The following DPP9 variants were observed in gnomAD, a reference collection of about 807,000 sequenced individuals.
The protein encoded by DPP9 is dipeptidyl peptidase IV-related protein-2.
DPP9 carries 50 observed loss-of-function variants against 110.7 expected under a neutral mutation model. The ratio of observed to expected loss-of-function variants is 0.45; its 90% CI spans 0.36 to 0.57. The LOEUF (loss-of-function observed/expected upper bound fraction) is 0.57, where lower values mean the gene tolerates loss of function less well. Ranked by LOEUF, DPP9 falls within the 20% of genes least tolerant of loss-of-function variation. The probability of loss-of-function intolerance (pLI) is 0.00; values close to 1 mark genes in which losing one functional copy is unlikely to be tolerated. For synonymous variants in DPP9, 561 were observed against 514.4 expected (o/e 1.09, Z -1.23); for missense variants, 1,022 against 1,217.9 (o/e 0.84, Z 2.39).
Position 4,685,603 on chromosome 19 carries a change from C to T in DPP9, c.2031+23G>A. On this transcript the variant is annotated intron_variant, in intron 17 of 21. Coordinates refer to ENST00000262960, the MANE Select transcript of DPP9 (RefSeq NM_139159.5). The surrounding 1 kb of genome is among the most constrained non-coding windows in gnomAD (Gnocchi z 5.8). The stretch of plus-strand genomic sequence containing the variant: ...CTCGGGTGGATGGTGGGGTGGGGGC[C>T]TGGGGAGCAGGTGTGCACTCACCTG... The T allele has an allele frequency of 6.3e-7, 1 of 1,588,180 alleles. No homozygotes were observed. Among genetic ancestry groups the T allele is most frequent in the Non-Finnish European group, 8.6e-7 (1 of 1,168,476 alleles).
chr19:4,712,403 G>T (rs1284490505), intron 4 of DPP9, among the ~76,000 whole-genome samples: 1 of 151,950 alleles, frequency 6.6e-6, no homozygotes, highest in Non-Finnish European at 1.5e-5. Context: ...ACAAAAAATT[G>T]TCTGGGCATG....
At chr19:4,717,101 G>A (rs1460221028) in intron 3 of DPP9, among the ~76,000 whole-genome samples, 1 of 152,174 alleles carries the variant, frequency 6.6e-6, no homozygotes, top group Non-Finnish European at 1.5e-5. Flanking sequence ...AATGACAGGG[G>A]AAAATGCTTC....
chr19:4,678,393 G>A (rs142796015), intron 21 of DPP9, among the ~76,000 whole-genome samples: 2,837 of 152,328 alleles, frequency 0.019, 50 homozygotes, highest in African/African-American at 0.044. Context: ...GGTTACAGGC[G>A]TGAGCCACCA....
chr19:4,683,403 G>A, intron 19 of DPP9, 74 bp downstream of exon 19: 1 of 1,591,788 alleles, frequency 6.3e-7, no homozygotes, highest in Non-Finnish European at 8.6e-7. Context: ...GGCGCGGGCG[G>A]TGGGCAAACG....
chr19:4,682,955 T>C lies in DPP9; in HGVS notation c.2332-117A>G. On this transcript the variant is annotated intron_variant, in intron 19 of 21. Coordinates refer to ENST00000262960, the MANE Select transcript of DPP9 (RefSeq NM_139159.5). This position sits in a 1 kb window ranked among gnomAD's most constrained non-coding sequence, Gnocchi z 7.1. The stretch of plus-strand genomic sequence containing the variant: ...CCCTGGAGCCCGTGAGGAGCGCTCA[T>C]GCACATGGGGCCGGCAAGGAAGGGG... 2 of 1,534,050 alleles carry C rather than the reference T, an allele frequency of 1.3e-6. No individual in the cohort carries two copies. The highest frequency in any genetic ancestry group is 1.7e-6 in the Non-Finnish European group (2 of 1,146,016).
At position 4,693,796 on chromosome 19, in the gene DPP9, C is replaced by T. The variant is rs922735611; in HGVS notation, c.1516+865G>A. Among the ~76,000 whole-genome samples the T allele has an allele frequency of 3.9e-5, 6 of 152,064 alleles. No homozygotes were observed. The highest frequency in any genetic ancestry group is 8.8e-5 in the Non-Finnish European group (6 of 67,972). On this transcript the variant is annotated intron_variant, in intron 13 of 21. Coordinates refer to ENST00000262960, the MANE Select transcript of DPP9 (RefSeq NM_139159.5). The surrounding 1 kb of genome is among the most constrained non-coding windows in gnomAD (Gnocchi z 5.0). ...CCTGGAGCCCCAGCAGGCCCTGCAC[C>T]ATCTGCTTTTTCTCTCCCCACCCTC...
Position 4,699,223 on chromosome 19 carries a change from G to C in DPP9, c.1074+993C>G, listed in dbSNP as rs144706558. Among the ~76,000 whole-genome samples the C allele has an allele frequency of 5.4e-5, 8 of 147,850 alleles. No homozygotes were observed. The East Asian group carries it at 1.6e-3, about 30-fold the overall frequency. On this transcript the variant is annotated intron_variant, in intron 10 of 21. Transcript: ENST00000262960. ...TCTGGAGAGGTCCTAATCACATTAT[G>C]TCATTTTTGCAAGAGCACACAAGGG...
Position 4,684,173 on chromosome 19 carries a change from G to C in DPP9, c.2178+490C>G. 7.3e-6 allele frequency: 2 copies of C among 275,578 alleles called. No individual in the cohort carries two copies. The highest frequency in any genetic ancestry group is 1.4e-5 in the Non-Finnish European group (2 of 139,512). 17.1% of individuals were successfully genotyped at this position (275,578 alleles called of 1,614,324 possible). On this transcript the variant is annotated intron_variant, in intron 18 of 21. Coordinates refer to ENST00000262960, the MANE Select transcript of DPP9 (RefSeq NM_139159.5). The surrounding 1 kb of genome is among the most constrained non-coding windows in gnomAD (Gnocchi z 4.8). ...CCCTTATAAAAGGGCCTGATGGAGG[G>C]AGGCCACGGCTTTTCCGCTCCTTGC...
chr19:4,706,631 C>T (rs1277502973), intron 4 of DPP9, among the ~76,000 whole-genome samples: 3 of 152,092 alleles, frequency 2.0e-5, no homozygotes, highest in Admixed American at 6.5e-5. Context: ...GACTGGACAA[C>T]ATGGTGAAAC....
At chr19:4,688,086 G>A (rs546169112) in intron 16 of DPP9, among the ~76,000 whole-genome samples, 3 of 152,226 alleles carry the variant, frequency 2.0e-5, no homozygotes, top group South Asian at 2.1e-4. Context: ...ATGAGCCACC[G>A]CGCCTGGCCC....
chr19:4,711,815 T>C (rs1469563080), intron 4 of DPP9, among the ~76,000 whole-genome samples: 2 of 139,170 alleles, frequency 1.4e-5, no homozygotes, highest in African/African-American at 5.3e-5. Context: ...CAGAGGGGAA[T>C]TTCAGACAGA....
chr19:4,719,581 TGGA>T (rs1210588474), intron 3 of DPP9: 1 of 522,572 alleles, frequency 1.9e-6, no homozygotes, highest in East Asian at 3.2e-5. Flanking sequence ...ATGAAGTGGG[TGGA>T]GGCCAGGGAC....
intron 13 of DPP9, 133 bp from the exon 14 acceptor site, chr19:4,691,090 C>G (rs114346470): frequency 1.5e-6 from 1 of 683,316 alleles, no homozygotes; most frequent in Non-Finnish European, 2.5e-6. Context: ...TGAACTCAGA[C>G]GCCAGCACAG....
intron 3 of DPP9, chr19:4,715,516 G>A (rs1384053299): frequency 6.6e-6 from 1 of 152,168 alleles, no homozygotes; most frequent in Non-Finnish European, 1.5e-5. Context: ...ATTCACAGCT[G>A]TGCTCCCAGA....
chr19:4,679,433 T>C lies in DPP9; in HGVS notation c.2586+402A>G, dbSNP rs2089469618. ...TCACTGCTGCCTCCTCAGGGAATGC[T>C]TGGCCCCAGCGCCTTAGGAAGGAGC... On this transcript the variant is annotated intron_variant, in intron 21 of 21. Transcript: ENST00000262960. 2.7e-5 allele frequency: 6 copies of C among 225,172 alleles called. No homozygotes were observed. The South Asian group carries it at 2.9e-4, about 11-fold the overall frequency. 13.9% of individuals were successfully genotyped at this position (225,172 alleles called of 1,614,324 possible).
chr19:4,685,131 G>A lies in DPP9; in HGVS notation c.2032-322C>T, dbSNP rs768896479. 3.5e-6 allele frequency: 2 copies of A among 571,126 alleles called. No homozygotes were observed. The highest frequency in any genetic ancestry group is 6.6e-6 in the Non-Finnish European group (2 of 300,944). 35.4% of individuals were successfully genotyped at this position (571,126 alleles called of 1,614,324 possible). A position where few individuals can be genotyped will look rare whatever the true frequency, so the allele number is the denominator to read the frequency against. On this transcript the variant is annotated intron_variant, in intron 17 of 21. Transcript: ENST00000262960. The surrounding 1 kb of genome is among the most constrained non-coding windows in gnomAD (Gnocchi z 5.8). ...TCTCGGGTGGGGCCATCTGGGCACTGCGGGGTGCTGAGAAGCCACTCCAGG... is the reference window on the plus strand; with the variant it reads ...TCTCGGGTGGGGCCATCTGGGCACTACGGGGTGCTGAGAAGCCACTCCAGG...
chr19:4,695,494 C>T lies in DPP9; in HGVS notation c.1237G>A (p.Ala413Thr). The change falls in exon 12 of 22, where the codon GCC becomes ACC. Residue 413 changes from alanine to threonine, a missense_variant. Around this residue, in one of 3 missense-constraint regions of DPP9, gnomAD observed 810 missense variants for 920.6 expected, o/e 0.88. Coordinates refer to ENST00000262960, the MANE Select transcript of DPP9 (RefSeq NM_139159.5). The surrounding 1 kb of genome is among the most constrained non-coding windows in gnomAD (Gnocchi z 4.7). ...QWLQLVLLPP[A>T]LFIPSTENEE... ...TTCTCTGTGCTCGGGATGAACAGGGCCGGGGGGAGGAGGACGAGCTGGAGC... is the reference window on the plus strand; with the variant it reads ...TTCTCTGTGCTCGGGATGAACAGGGTCGGGGGGAGGAGGACGAGCTGGAGC... 5.8e-6 allele frequency: 9 copies of T among 1,560,052 alleles called. No individual in the cohort carries two copies. The highest frequency in any genetic ancestry group is 1.9e-5 in the Admixed American group (1 of 52,116).
chr19:4,698,422 G>A lies in DPP9; in HGVS notation c.1075-771C>T, dbSNP rs775947388. Among the ~76,000 whole-genome samples the A allele has an allele frequency of 6.6e-6, 1 of 152,156 alleles. No individual in the cohort carries two copies. ...TTGGCATCACCCCAGCCCACCTAAGGACTCTGCACGTCTGAGAGTGCAAGG... is the reference window on the plus strand; with the variant it reads ...TTGGCATCACCCCAGCCCACCTAAGAACTCTGCACGTCTGAGAGTGCAAGG... On this transcript the variant is annotated intron_variant, in intron 10 of 21. Transcript: ENST00000262960. The surrounding 1 kb of genome is among the most constrained non-coding windows in gnomAD (Gnocchi z 4.2).
rs2090632877 is a variant in DPP9, at chr19:4,685,909, T to C, written c.1886-138A>G. 1.1e-5 allele frequency: 11 copies of C among 1,034,554 alleles called. No homozygotes were observed. The highest frequency in any genetic ancestry group is 1.4e-5 in the Non-Finnish European group (10 of 734,070). 64.1% of individuals were successfully genotyped at this position (1,034,554 alleles called of 1,614,324 possible). ...TCCTGGGCTTCCCGAGAGTTGATAA[T>C]TGAAAAAAACGTTTTTTTTTCATTA... On this transcript the variant is annotated intron_variant, in intron 16 of 21. Coordinates refer to ENST00000262960, the MANE Select transcript of DPP9 (RefSeq NM_139159.5). This position sits in a 1 kb window ranked among gnomAD's most constrained non-coding sequence, Gnocchi z 5.8.
Sources: gnomAD v4.1 joint callset for allele counts (sites outside exome capture counted in the v4.1 genomes callset) on GRCh38, gnomAD v4.1.1 for gene constraint, gnomAD v4.1.1 regional missense constraint, Gnocchi (gnomAD v3.1) non-coding constraint, MANE v1.5 for transcripts, NCBI Gene and HGNC (gene_info 2026-07-23, HGNC 2026-07-21) for gene names.